The following SCAF1 variants were observed in gnomAD, a reference collection of about 807,000 sequenced individuals.
SCAF1 encodes the protein splicing factor, arginine/serine-rich 19.
A neutral mutation model predicts 91.2 loss-of-function variants in SCAF1; 28 were observed. The ratio of observed to expected loss-of-function variants is 0.31; its 90% CI spans 0.23 to 0.42. The LOEUF (loss-of-function observed/expected upper bound fraction) is 0.42. Ranked by LOEUF, SCAF1 falls within the 10% of genes least tolerant of loss-of-function variation. SCAF1 has a pLI of 1.00. For synonymous variants in SCAF1, 1,036 were observed against 833.7 expected, an observed-to-expected ratio of 1.24 and a Z score of -4.18; for missense variants, 1,893 against 1,872.1, an observed-to-expected ratio of 1.01 and a Z score of -0.21.
Position 49,646,887 on chromosome 19 carries a change from C to A in SCAF1, c.478+57C>A. On this transcript the variant is annotated intron_variant, in intron 6 of 10. Coordinates refer to ENST00000360565, the MANE Select transcript of SCAF1 (RefSeq NM_021228.3). The surrounding 1 kb of genome is among the most constrained non-coding windows in gnomAD (Gnocchi z 5.6). ...GGTCGTGGAGTTGTGTGGGGATCGG[C>A]TGTTTTTGGTAGTGATGGTAGCGGT... is the stretch of plus-strand genomic sequence containing the variant. 7.3e-7 allele frequency: 1 copy of A among 1,372,554 alleles called. No homozygotes were observed. Among genetic ancestry groups the A allele is most frequent in the Non-Finnish European group, 1.0e-6 (1 of 997,384 alleles). 85.0% of individuals were successfully genotyped at this position (1,372,554 alleles called of 1,614,324 possible). A position where few individuals can be genotyped will look rare whatever the true frequency, so the allele number is the denominator to read the frequency against.
rs1568444519 is a variant in SCAF1 at position 49,652,852 on chromosome 19, C to A, written c.2463C>A (p.Ser821=). The A allele has an allele frequency of 6.2e-7, 1 of 1,614,062 alleles. No individual in the cohort carries two copies. The highest frequency in any genetic ancestry group is 8.5e-7 in the Non-Finnish European group (1 of 1,180,006). ...PPVSSGSGSS[S]SSSSCSSRKV... is the part of the protein sequence containing the mutation. ...TCAGCAGCGGCTCAGGCTCTTCATC[C>A]TCGTCGTCCTCCTGTTCTTCCCGGA... The change falls in exon 7 of 11, where the codon TCC becomes TCA. Residue 821 remains serine, a synonymous_variant. Coordinates refer to ENST00000360565, the MANE Select transcript of SCAF1 (RefSeq NM_021228.3).
rs1255609524 is a variant in SCAF1 at position 49,651,645 on chromosome 19, C to T, written c.1256C>T (p.Pro419Leu). Reference protein sequence around the residue: ...LFRPGGRAARPTPAASATPTA... With the variant: ...LFRPGGRAARLTPAASATPTA... ...CGCCCCGGCGGCCGGGCCGCCCGGC[C>T]TACACCGGCCGCCTCGGCCACCCCC... The change falls in exon 7 of 11, where the codon CCT (proline) becomes CTT (leucine). Residue 419 changes from proline to leucine, a missense_variant. By Grantham distance (98) the Pro-to-Leu change is moderately conservative (BLOSUM62 -3). Transcript: ENST00000360565. 2.1e-6 allele frequency: 3 copies of T among 1,434,534 alleles called. No homozygotes were observed. The highest frequency in any genetic ancestry group is 3.0e-5 in the African/African-American group (2 of 66,398). 88.9% of individuals were successfully genotyped at this position (1,434,534 alleles called of 1,614,324 possible).
At position 49,652,088 on chromosome 19, in the gene SCAF1, T is replaced by C; in HGVS notation, c.1699T>C (p.Ser567Pro). 1 of 1,176,298 alleles carries C rather than the reference T, an allele frequency of 8.5e-7. No homozygotes were observed. The highest frequency in any genetic ancestry group is 1.1e-6 in the Non-Finnish European group (1 of 943,140). The allele number at this position is 1,176,298 out of a possible 1,614,324, so 72.9% of individuals were successfully genotyped here. Residue 567 changes from serine (S) to proline (P), a missense_variant, in exon 7 of 11, where the codon TCG (serine) becomes CCG (proline). Ser to Pro is a moderately conservative substitution (Grantham distance 74, BLOSUM62 -1). Transcript: ENST00000360565. Reference sequence around the variant, plus strand: ...GGACCGCAAGCCCGGCTCCCACGCCTCGTCGTCCGCCCGCCGCCGCTCCCG... The same window carrying C: ...GGACCGCAAGCCCGGCTCCCACGCCCCGTCGTCCGCCCGCCGCCGCTCCCG... ...SRDRKPGSHA[S>P]SSARRRSRSR...
Position 49,653,320 on chromosome 19 carries a change from G to T in SCAF1, c.2931G>T (p.Pro977=). 6.8e-7 allele frequency: 1 copy of T among 1,465,236 alleles called. No individual in the cohort carries two copies. The highest frequency in any genetic ancestry group is 9.0e-7 in the Non-Finnish European group (1 of 1,106,686). 90.8% of individuals were successfully genotyped at this position (1,465,236 alleles called of 1,614,324 possible). A position where few individuals can be genotyped will look rare whatever the true frequency, so the allele number is the denominator to read the frequency against. The change falls in exon 7 of 11, where the codon CCG becomes CCT. Residue 977 remains proline, a synonymous_variant. Transcript: ENST00000360565. ...GGGCAGCCAAGGTTCCTAGCACCCC[G>T]CCCCCCAAGGCAGCCCCACCACCCC... ...EERAAKVPST[P]PPKAAPPPPA...
In SCAF1 at chr19:49,651,384, C is replaced by T. The variant is rs541292279; in HGVS notation, c.995C>T (p.Ala332Val). The change falls in exon 7 of 11, where the codon GCC becomes GTC. Residue 332 changes from alanine (A) to valine (V), a missense_variant. Physicochemically the swap from Ala to Val is moderately conservative, Grantham distance 64. Around this residue, in one of 5 missense-constraint regions of SCAF1, gnomAD observed 1,436 missense variants for 1,306.8 expected, o/e 1.10. Transcript: ENST00000360565. ...GCGCAGCCCACACAGCCGACTCCCG[C>T]CCCTGGAACGCCGCCCCAGGTGGAC... The part of the protein sequence containing the change: ...PDAQPTQPTP[A>V]PGTPPQVDST... 105 of 1,607,992 alleles carry T rather than the reference C, an allele frequency of 6.5e-5. 1 individual carries two copies. In the Admixed American group the frequency reaches 1.3e-3, roughly 19 times the overall value.
Position 49,650,947 on chromosome 19 carries a change from A to AC in SCAF1, c.563dup (p.Ala189CysfsTer41). Reference sequence around the variant, plus strand: ...GCACGGGAGACGGGGGCCCTGCCCCACCCCCTGCCCCCTCCTCTGCATCCT... The same window carrying AC: ...GCACGGGAGACGGGGGCCCTGCCCCACCCCCCTGCCCCCTCCTCTGCATCCT... On this transcript the variant is annotated frameshift_variant, in exon 7 of 11. Coordinates refer to ENST00000360565, the MANE Select transcript of SCAF1 (RefSeq NM_021228.3). LOFTEE classifies it high-confidence loss of function. 19 of 731,986 alleles carry AC rather than the reference A, an allele frequency of 2.6e-5. No individual in the cohort carries two copies. Among genetic ancestry groups the AC allele is most frequent in the South Asian group, 1.2e-4 (5 of 41,928 alleles). 45.3% of individuals were successfully genotyped at this position (731,986 alleles called of 1,614,324 possible). A position where few individuals can be genotyped will look rare whatever the true frequency, so the allele number is the denominator to read the frequency against.
chr19:49,649,031 C>A (rs1339525854), intron 6 of SCAF1, among the ~76,000 whole-genome samples: 1 of 151,000 alleles, frequency 6.6e-6, no homozygotes, highest in Non-Finnish European at 1.5e-5. Flanking sequence ...GGTCAGGCAA[C>A]GTTCCTCTAA....
chr19:49,647,247 G>T (rs1006965243), intron 6 of SCAF1, among the ~76,000 whole-genome samples: 1 of 152,230 alleles, frequency 6.6e-6, no homozygotes, highest in Non-Finnish European at 1.5e-5. Flanking sequence ...CCAAGTTTTT[G>T]ATGTCTGAGA....
rs1006777557 is a variant in SCAF1, at chr19:49,654,508, C to T, written c.3399+77C>T. 34 of 1,446,562 alleles carry T rather than the reference C, an allele frequency of 2.4e-5. No homozygotes were observed. In the South Asian group the frequency reaches 3.1e-4, roughly 13 times the overall value. 89.6% of individuals were successfully genotyped at this position (1,446,562 alleles called of 1,614,324 possible). On this transcript the variant is annotated intron_variant, in intron 8 of 10. Transcript: ENST00000360565. ...TCGGGTTAGGAGAGGAACCGCGGGC[C>T]TGGCAGCTCTGGGGCAAGGTATCGG...
rs112181711 is a variant in SCAF1 at position 49,643,632 on chromosome 19, G to C, written c.-6-1389G>C. Among the ~76,000 whole-genome samples the C allele has an allele frequency of 4.6e-5, 7 of 152,320 alleles. 1 individual carries two copies. Among genetic ancestry groups the C allele is most frequent in the African/African-American group, 1.4e-4 (6 of 41,572 alleles). On this transcript the variant is annotated intron_variant, in intron 1 of 10. Transcript: ENST00000360565. Reference sequence around the variant, plus strand: ...CAAGCAAGCATCTTTGTATACTGCAGAGGGTTTGGGGATCCCTCAGCCTGT... The same window carrying C: ...CAAGCAAGCATCTTTGTATACTGCACAGGGTTTGGGGATCCCTCAGCCTGT...
chr19:49,658,325 G>C lies in SCAF1; in HGVS notation c.3865G>C (p.Gly1289Arg). 1 of 1,596,024 alleles carries C rather than the reference G, an allele frequency of 6.3e-7. No individual in the cohort carries two copies. The highest frequency in any genetic ancestry group is 8.5e-7 in the Non-Finnish European group (1 of 1,172,648). Reference protein sequence around the residue: ...KHGRKPGDPPGPPRPPKEPGP... With the variant: ...KHGRKPGDPPRPPRPPKEPGP... ...CGGTCGCAAGCCAGGGGACCCCCCA[G>C]GGCCCCCACGGCCGCCCAAGGAGCC... Residue 1289 changes from glycine (G) to arginine (R), a missense_variant, in exon 11 of 11, where the codon GGG becomes CGG. Gly to Arg is a moderately radical substitution (Grantham distance 125). Transcript: ENST00000360565.
intron 9 of SCAF1, among the ~76,000 whole-genome samples, chr19:49,657,421 C>G (rs750795315): frequency 2.6e-5 from 4 of 152,246 alleles, no homozygotes; most frequent in Non-Finnish European, 5.9e-5. Context: ...GAGTCTGATT[C>G]AAAACCAGCT....
In SCAF1 at chr19:49,651,396, C is replaced by T. The variant is rs1370592317; in HGVS notation, c.1007C>T (p.Pro336Leu). The T allele has an allele frequency of 2.5e-6, 4 of 1,607,520 alleles. No individual in the cohort carries two copies. In the South Asian group the frequency reaches 3.3e-5, roughly 13 times the overall value. The part of the protein sequence containing the change: ...PTQPTPAPGT[P>L]PQVDSTRADG... ...CAGCCGACTCCCGCCCCTGGAACGC[C>T]GCCCCAGGTGGACTCCACCCGGGCT... The change falls in exon 7 of 11, where the codon CCG becomes CTG. Residue 336 changes from proline to leucine, a missense_variant. This residue lies in a region of SCAF1 where 1,436 missense variants were observed against 1,306.8 expected (regional missense o/e 1.10). Coordinates refer to ENST00000360565, the MANE Select transcript of SCAF1 (RefSeq NM_021228.3).
Position 49,652,577 on chromosome 19 carries a change from G to A in SCAF1, c.2188G>A (p.Val730Ile), listed in dbSNP as rs748001011. Reference protein sequence around the residue: ...PAPASSPKREVLYDSEGLSGE... With the variant: ...PAPASSPKREILYDSEGLSGE... ...TCCGGCCTCCTCACCTAAGCGGGAG[G>A]TCCTGTACGACTCCGAGGGACTGAG... The change falls in exon 7 of 11, where the codon GTC (valine) becomes ATC (isoleucine). Residue 730 changes from valine to isoleucine, a missense_variant. By Grantham distance (29) the Val-to-Ile change is conservative. This residue lies in a region of SCAF1 where 1,436 missense variants were observed against 1,306.8 expected (regional missense o/e 1.10). Transcript: ENST00000360565. 3.2e-6 allele frequency: 5 copies of A among 1,571,120 alleles called. No individual in the cohort carries two copies. Among genetic ancestry groups the A allele is most frequent in the Admixed American group, 1.8e-5 (1 of 54,310 alleles).
Position 49,650,888 on chromosome 19 carries a change from T to TCTA in SCAF1, c.500_502dup (p.Ser167_Arg168insThr). On this transcript the variant is annotated inframe_insertion, in exon 7 of 11. Coordinates refer to ENST00000360565, the MANE Select transcript of SCAF1 (RefSeq NM_021228.3). ...TGCAGTTTCTCCACAGTCGAACTCC[T>TCTA]CTAGGCCCACCTGTGCCCGTCACCT... 1 of 1,610,812 alleles carries TCTA rather than the reference T, an allele frequency of 6.2e-7. No homozygotes were observed. The highest frequency in any genetic ancestry group is 2.2e-5 in the East Asian group (1 of 44,842).
In SCAF1 at chr19:49,652,203, A is replaced by G; in HGVS notation, c.1814A>G (p.Lys605Arg). Reference sequence around the variant, plus strand: ...AGCCGCAGGTCGCGGTCCCGGGAGAAGCGGCGACGGCGGCGGCGCTCCGCC... The same window carrying G: ...AGCCGCAGGTCGCGGTCCCGGGAGAGGCGGCGACGGCGGCGGCGCTCCGCC... Reference protein sequence around the residue: ...GGSRRSRSREKRRRRRRSASP... With the variant: ...GGSRRSRSRERRRRRRRSASP... Residue 605 changes from lysine to arginine, a missense_variant, in exon 7 of 11, where the codon AAG becomes AGG. Transcript: ENST00000360565. 1.5e-6 allele frequency: 2 copies of G among 1,299,182 alleles called. No individual in the cohort carries two copies. Among genetic ancestry groups the G allele is most frequent in the Non-Finnish European group, 2.0e-6 (2 of 1,025,074 alleles). The allele number at this position is 1,299,182 out of a possible 1,614,324, so 80.5% of individuals were successfully genotyped here.
At position 49,652,858 on chromosome 19, in the gene SCAF1, G is replaced by C; in HGVS notation, c.2469G>C (p.Ser823=). Residue 823 remains serine, a synonymous_variant, in exon 7 of 11, where the codon TCG becomes TCC. Transcript: ENST00000360565. ...VSSGSGSSSS[S]SSCSSRKVKL... ...GCGGCTCAGGCTCTTCATCCTCGTC[G>C]TCCTCCTGTTCTTCCCGGAAGGTGA... 1 of 1,614,016 alleles carries C rather than the reference G, an allele frequency of 6.2e-7. No homozygotes were observed. The highest frequency in any genetic ancestry group is 8.5e-7 in the Non-Finnish European group (1 of 1,180,018).
chr19:49,653,264 G>A lies in SCAF1; in HGVS notation c.2875G>A (p.Ala959Thr). 1 of 1,482,540 alleles carries A rather than the reference G, an allele frequency of 6.7e-7. No homozygotes were observed. Among genetic ancestry groups the A allele is most frequent in the South Asian group, 1.4e-5 (1 of 71,736 alleles). The allele number at this position is 1,482,540 out of a possible 1,614,324, so 91.8% of individuals were successfully genotyped here. A position where few individuals can be genotyped will look rare whatever the true frequency, so the allele number is the denominator to read the frequency against. ...CAGCCAGGCGGCAGGCACCAAGGGG[G>A]CGGAGGAGACTTCCTGGTCCGGGGA... ...SCSQAAGTKGAEETSWSGEER... is the reference protein window; with the variant it reads ...SCSQAAGTKGTEETSWSGEER... Residue 959 changes from alanine (A) to threonine (T), a missense_variant, in exon 7 of 11, where the codon GCG (alanine) becomes ACG (threonine). Around this residue, in one of 5 missense-constraint regions of SCAF1, gnomAD observed 1,436 missense variants for 1,306.8 expected, o/e 1.10. Coordinates refer to ENST00000360565, the MANE Select transcript of SCAF1 (RefSeq NM_021228.3).
Position 49,654,865 on chromosome 19 carries a change from G to A in SCAF1, c.3613G>A (p.Asp1205Asn). The change falls in exon 9 of 11, where the codon GAT becomes AAT. Residue 1205 changes from aspartate (D) to asparagine (N), a missense_variant. By Grantham distance (23) the Asp-to-Asn change is conservative. Transcript: ENST00000360565. ...SSSSEGRGDT[D>N]KYLKKLHTQE... is the part of the protein sequence containing the mutation. ...CAGCTCTGAGGGCCGTGGGGACACA[G>A]ATAAGGTGAGCTGGCCTGGGGAGAG... 6.3e-7 allele frequency: 1 copy of A among 1,589,244 alleles called. No individual in the cohort carries two copies. The highest frequency in any genetic ancestry group is 8.6e-7 in the Non-Finnish European group (1 of 1,164,806).
Sources: allele counts gnomAD v4.1 joint callset (sites outside exome capture counted in the v4.1 genomes callset), GRCh38; gene constraint gnomAD v4.1.1; regional missense constraint gnomAD v4.1.1; non-coding constraint Gnocchi (gnomAD v3.1); transcripts MANE v1.5; gene names NCBI Gene and HGNC (gene_info 2026-07-23, HGNC 2026-07-21).